DPY30: variants seen among roughly 807,000 people sequenced by gnomAD.
DPY30 encodes the protein dpy-30 histone methyltransferase complex regulatory subunit.
Under a neutral mutation model 16.2 loss-of-function variants are expected in DPY30, and 6 were observed. That is an observed-to-expected ratio of 0.37 (90% CI 0.20 to 0.73). DPY30 has a LOEUF of 0.73. DPY30 is among the 30% of genes least tolerant of loss of function. The pLI is 0.51. For synonymous variants in DPY30, 39 were observed against 38.8 expected (o/e 1.00, Z -0.02); for missense variants, 73 against 113.1 (o/e 0.65, Z 1.61).
chr2:32,022,257 A>T (rs1195047702), downstream of DPY30, among the ~76,000 whole-genome samples: 2 of 152,132 alleles, frequency 1.3e-5, no homozygotes, highest in Non-Finnish European at 2.9e-5. Context: ...AATGTTAAAA[A>T]ATCACTAAAA....
At chr2:32,022,217 A>G (rs1675201021), downstream of DPY30, among the ~76,000 whole-genome samples, 1 of 152,064 alleles carries the variant, frequency 6.6e-6, no homozygotes, top group Admixed American at 6.6e-5. Flanking sequence ...CTCAAAAAAA[A>G]AAAAAAAAAA....
intron 5 of DPY30, among the ~76,000 whole-genome samples, chr2:32,017,174 C>T (rs1183001109): frequency 6.6e-6 from 1 of 152,096 alleles, no homozygotes; most frequent in East Asian, 1.9e-4. Flanking sequence ...TGAGCCACGG[C>T]GCCCGGCCAT....
chr2:32,029,742 G>T lies in DPY30; in HGVS notation c.85-6C>A. The T allele has an allele frequency of 6.2e-7, 1 of 1,612,674 alleles. No homozygotes were observed. The highest frequency in any genetic ancestry group is 1.1e-5 in the South Asian group (1 of 90,848). ...TTCTCATTTTCTACTATTCTCTAGT[G>T]AATTCAAAAAAACAGTGCATGAACA... On this transcript the variant is annotated splice_region_variant and splice_polypyrimidine_tract_variant and intron_variant, in intron 3 of 4. Coordinates refer to ENST00000342166, the MANE Select transcript of DPY30 (RefSeq NM_001321209.2).
rs376977156 is a variant in DPY30, at chr2:32,017,787, C to T, written n.377+5635G>A. ...TACATAAGCCAAAGAAATACAAATACATAACACAAAAGGTGTGCTATGGTC... is the reference window on the plus strand; with the variant it reads ...TACATAAGCCAAAGAAATACAAATATATAACACAAAAGGTGTGCTATGGTC... On this transcript the variant is annotated intron_variant and non_coding_transcript_variant, in intron 5 of 5. Transcript: ENST00000414013. Among the ~76,000 whole-genome samples the T allele has an allele frequency of 1.4e-4, 22 of 152,236 alleles. No individual in the cohort carries two copies. In the South Asian group the frequency reaches 2.7e-3, roughly 19 times the overall value.
intron 5 of DPY30, among the ~76,000 whole-genome samples, chr2:32,014,576 C>T (rs1446292541): frequency 1.3e-5 from 2 of 151,926 alleles, no homozygotes; most frequent in African/African-American, 4.8e-5. Flanking sequence ...CTCCGCCTCC[C>T]GGGTTCATGC....
intron 5 of DPY30, among the ~76,000 whole-genome samples, chr2:32,018,770 A>G (rs929335445): frequency 3.3e-5 from 5 of 152,196 alleles, no homozygotes; most frequent in Non-Finnish European, 7.3e-5. Context: ...CTGTAATCTC[A>G]GCACTTTGGG....
intron 4 of DPY30, among the ~76,000 whole-genome samples, chr2:32,024,478 T>C (rs1440514583): frequency 2.0e-5 from 3 of 152,220 alleles, no homozygotes. Flanking sequence ...AATCTGGTTA[T>C]GAACTCAATT....
intron 3 of DPY30, among the ~76,000 whole-genome samples, chr2:32,034,690 G>C (rs566171498): frequency 6.6e-6 from 1 of 152,114 alleles, no homozygotes; most frequent in Non-Finnish European, 1.5e-5. Flanking sequence ...GTGTTCCAGT[G>C]ACACAGGGGA....
intron 5 of DPY30, among the ~76,000 whole-genome samples, chr2:32,014,376 A>G (rs1451173796): frequency 6.6e-6 from 1 of 152,224 alleles, no homozygotes; most frequent in Non-Finnish European, 1.5e-5. Context: ...GGCCTCAGGT[A>G]CTTGGGAGGC....
downstream of DPY30, chr2:32,023,486 GAAT>G (rs1001721517): frequency 4.8e-5 from 23 of 474,718 alleles, no homozygotes; most frequent in Admixed American, 4.9e-4. Context: ...TGCAAAATGG[GAAT>G]AATAATATCT....
At chr2:32,012,307 C>G (rs1674956037) in intron 5 of DPY30, among the ~76,000 whole-genome samples, 1 of 151,596 alleles carries the variant, frequency 6.6e-6, no homozygotes, top group African/African-American at 2.4e-5. Flanking sequence ...GCTAAAATCT[C>G]CACTGTATAT....
downstream of DPY30, among the ~76,000 whole-genome samples, chr2:32,019,370 T>C (rs1319841470): frequency 6.6e-6 from 1 of 152,116 alleles, no homozygotes; most frequent in Admixed American, 6.5e-5. Flanking sequence ...AAAATTAGCC[T>C]GGCGTGGTGG....
downstream of DPY30, among the ~76,000 whole-genome samples, chr2:32,011,726 C>A (rs1674927932): frequency 6.6e-6 from 1 of 152,208 alleles, no homozygotes; most frequent in Non-Finnish European, 1.5e-5. Flanking sequence ...AAGTTGCATA[C>A]ATCCAATGAA....
At chr2:32,035,865 C>T (rs1675714976) in intron 3 of DPY30, among the ~76,000 whole-genome samples, 1 of 145,298 alleles carries the variant, frequency 6.9e-6, no homozygotes, top group Non-Finnish European at 1.5e-5. Context: ...ACCCGGGAGG[C>T]AGAGGTTACA....
chr2:32,038,053 A>G (rs1558594338), intron 3 of DPY30, among the ~76,000 whole-genome samples: 1 of 151,970 alleles, frequency 6.6e-6, no homozygotes, highest in African/African-American at 2.4e-5. Flanking sequence ...AGATCACCAG[A>G]AAGTATGTTG....
At chr2:32,022,287 T>TA (rs1302005749), downstream of DPY30, among the ~76,000 whole-genome samples, 2 of 152,002 alleles carry the variant, frequency 1.3e-5, no homozygotes, top group Non-Finnish European at 1.5e-5. Context: ...TGGATTAACT[T>TA]ATGAGTTAGC....
chr2:32,027,926 C>A (rs1675394408), intron 4 of DPY30, among the ~76,000 whole-genome samples: 1 of 151,868 alleles, frequency 6.6e-6, no homozygotes, highest in Non-Finnish European at 1.5e-5. Context: ...CCACGCCCGG[C>A]CCAAGATACC....
chr2:32,033,613 G>A (rs539727405), intron 3 of DPY30, among the ~76,000 whole-genome samples: 8 of 150,924 alleles, frequency 5.3e-5, no homozygotes, highest in Admixed American at 3.3e-4. Flanking sequence ...CGGAGGTTGC[G>A]GTGAGCCGAG....
downstream of DPY30, chr2:32,020,990 C>G (rs533255015): frequency 6.6e-6 from 1 of 151,934 alleles, no homozygotes; most frequent in East Asian, 1.9e-4. Flanking sequence ...AAAAATTGGC[C>G]GGGCACGGTG....
Sources: allele counts gnomAD v4.1 joint callset (sites outside exome capture counted in the v4.1 genomes callset), GRCh38; gene constraint gnomAD v4.1.1; transcripts MANE v1.5; gene names NCBI Gene and HGNC (gene_info 2026-07-23, HGNC 2026-07-21).